Variants in SGCZ observed in about 807,000 individuals in gnomAD.
The protein encoded by SGCZ is sarcoglycan zeta.
In SGCZ, 40 loss-of-function variants were observed where a neutral mutation model predicts 41.3. The ratio of observed to expected loss-of-function variants is 0.97; its 90% CI spans 0.75 to 1.26. The LOEUF (loss-of-function observed/expected upper bound fraction) is 1.26. SGCZ is among the 50% of genes most tolerant of loss of function. SGCZ has a pLI of 0.00. For synonymous variants in SGCZ, 206 were observed against 137.5 expected, an observed-to-expected ratio of 1.50 and a Z score of -3.49; for missense variants, 552 against 369.8, an observed-to-expected ratio of 1.49 and a Z score of -4.04.
intron 5 of SGCZ, among the ~76,000 whole-genome samples, chr8:14,133,978 C>A (rs138650605): frequency 1.3e-5 from 2 of 152,238 alleles, no homozygotes; most frequent in South Asian, 2.1e-4. Context: ...AATTTTACTT[C>A]CTATTTCAAA....
intron 1 of SGCZ, among the ~76,000 whole-genome samples, chr8:15,131,386 T>C (rs1011122881): frequency 2.0e-5 from 3 of 152,210 alleles, no homozygotes; most frequent in Non-Finnish European, 4.4e-5. Context: ...TTTCACTTTC[T>C]ACGATGATTG....
rs1218329750 is a variant in SGCZ, at chr8:14,237,684, G to T, written c.337-5C>A. ...CTGTAAGACCAGCGGACTATCCTGG[G>T]AAACATGTATAAAATAAATAAATAG... On this transcript the variant is annotated splice_polypyrimidine_tract_variant and splice_region_variant and intron_variant, in intron 3 of 7. Coordinates refer to ENST00000382080, the MANE Select transcript of SGCZ (RefSeq NM_139167.4). 6.2e-7 allele frequency: 1 copy of T among 1,607,426 alleles called. No homozygotes were observed. The highest frequency in any genetic ancestry group is 8.5e-7 in the Non-Finnish European group (1 of 1,176,526).
intron 1 of SGCZ, among the ~76,000 whole-genome samples, chr8:15,170,889 G>T (rs1799809277): frequency 6.6e-6 from 1 of 152,128 alleles, no homozygotes; most frequent in African/African-American, 2.4e-5. Context: ...AACAAAAGAG[G>T]CACAGTTGTG....
At chr8:15,187,601 AAAG>A (rs1472954051) in intron 1 of SGCZ, among the ~76,000 whole-genome samples, 1 of 152,080 alleles carries the variant, frequency 6.6e-6, no homozygotes, top group Non-Finnish European at 1.5e-5. Flanking sequence ...AAAATCACAT[AAAG>A]AACTTTTTAT....
chr8:14,341,258 T>C (rs1802694203), intron 2 of SGCZ, among the ~76,000 whole-genome samples: 1 of 152,244 alleles, frequency 6.6e-6, no homozygotes, highest in South Asian at 2.1e-4. Flanking sequence ...TATCTGAGAC[T>C]CTGCTTTCAA....
intron 2 of SGCZ, among the ~76,000 whole-genome samples, chr8:14,486,712 A>G (rs1413645901): frequency 1.3e-5 from 2 of 152,176 alleles, no homozygotes; most frequent in Non-Finnish European, 2.9e-5. Flanking sequence ...AGCTGAGACC[A>G]CAGGCTTGCC....
At chr8:14,764,503 A>G (rs537269065) in intron 1 of SGCZ, among the ~76,000 whole-genome samples, 19 of 152,084 alleles carry the variant, frequency 1.2e-4, no homozygotes, top group African/African-American at 4.3e-4. Flanking sequence ...TCACCTACAC[A>G]GTATTCTTGC....
intron 1 of SGCZ, among the ~76,000 whole-genome samples, chr8:14,979,984 T>C (rs79419427): frequency 0.023 from 3,496 of 152,318 alleles, 116 homozygotes; most frequent in East Asian, 0.17. Flanking sequence ...TGCTTAAAAT[T>C]ATTACCTCAA....
At chr8:15,219,235 T>G (rs1801511105) in intron 1 of SGCZ, among the ~76,000 whole-genome samples, 1 of 152,208 alleles carries the variant, frequency 6.6e-6, no homozygotes, top group African/African-American at 2.4e-5. Context: ...GGATCATACA[T>G]GTGGATTACT....
intron 5 of SGCZ, among the ~76,000 whole-genome samples, chr8:14,134,527 G>T (rs1364449595): frequency 6.6e-6 from 1 of 152,156 alleles, no homozygotes; most frequent in Non-Finnish European, 1.5e-5. Context: ...AATTGGCATA[G>T]AAAGTAATAG....
chr8:14,712,294 G>T (rs573926977), intron 1 of SGCZ, among the ~76,000 whole-genome samples: 2 of 152,172 alleles, frequency 1.3e-5, no homozygotes, highest in Admixed American at 6.5e-5. Flanking sequence ...GCGCTGCCTG[G>T]TTGATGAAAT....
chr8:14,108,279 A>G, intron 5 of SGCZ, 44 bp from the exon 6 acceptor site: 1 of 1,556,244 alleles, frequency 6.4e-7, no homozygotes, highest in South Asian at 1.1e-5. Flanking sequence ...GCAAGTCCAC[A>G]CAGTGGCTTT....
At chr8:14,267,713 C>T (rs1034987756) in intron 3 of SGCZ, among the ~76,000 whole-genome samples, 3 of 151,992 alleles carry the variant, frequency 2.0e-5, no homozygotes, top group Non-Finnish European at 4.4e-5. Flanking sequence ...TCTTTGGGAT[C>T]TTGGTCCACT....
At chr8:14,204,729 C>T (rs1208262239) in intron 4 of SGCZ, among the ~76,000 whole-genome samples, 3 of 152,158 alleles carry the variant, frequency 2.0e-5, no homozygotes, top group Admixed American at 6.6e-5. Flanking sequence ...TATTTTTATG[C>T]TGAAGCTGGG....
intron 2 of SGCZ, among the ~76,000 whole-genome samples, chr8:14,356,579 G>A (rs1803299798): frequency 6.6e-6 from 1 of 151,262 alleles, no homozygotes; most frequent in South Asian, 2.1e-4. Flanking sequence ...CTGATGATGA[G>A]GTATAATCAA....
intron 1 of SGCZ, among the ~76,000 whole-genome samples, chr8:14,804,414 G>A (rs948442822): frequency 3.8e-4 from 53 of 138,948 alleles, no homozygotes; most frequent in South Asian, 1.6e-3. Flanking sequence ...ACCAAGGCTC[G>A]AGAACTCCGT....
At chr8:15,066,882 G>A (rs894270057) in intron 1 of SGCZ, among the ~76,000 whole-genome samples, 3 of 152,138 alleles carry the variant, frequency 2.0e-5, no homozygotes, top group South Asian at 2.1e-4. Flanking sequence ...TGTATCTAAA[G>A]TATGGCCTGA....
chr8:15,102,095 A>AT (rs1431976014), intron 1 of SGCZ, among the ~76,000 whole-genome samples: 1 of 152,194 alleles, frequency 6.6e-6, no homozygotes, highest in African/African-American at 2.4e-5. Context: ...ATGTCCACAC[A>AT]AAAACCTGCA....
chr8:14,109,968 C>A (rs967315636), intron 5 of SGCZ, among the ~76,000 whole-genome samples: 8 of 152,108 alleles, frequency 5.3e-5, no homozygotes, highest in Admixed American at 3.3e-4. Flanking sequence ...CTCTCTCTGT[C>A]GCTCCTGAGA....
Sources: allele counts gnomAD v4.1 joint callset (sites outside exome capture counted in the v4.1 genomes callset), GRCh38; gene constraint gnomAD v4.1.1; transcripts MANE v1.5; gene names NCBI Gene and HGNC (gene_info 2026-07-23, HGNC 2026-07-21).